POLQ: variants seen among roughly 807,000 people sequenced by gnomAD.
POLQ encodes the protein epididymis secretory sperm binding protein.
A neutral mutation model predicts 259.2 loss-of-function variants in POLQ; 233 were observed. The ratio of observed to expected loss-of-function variants is 0.90; its 90% CI spans 0.81 to 1.00. The LOEUF (loss-of-function observed/expected upper bound fraction) is 1.00, where lower values mean the gene tolerates loss of function less well. Ranked by LOEUF, POLQ falls within the 50% of genes least tolerant of loss-of-function variation. The pLI, the probability that POLQ is intolerant of heterozygous loss-of-function variation, is 0.00. For missense variants in POLQ, 2,871 were observed against 3,051.6 expected (o/e 0.94, Z 1.39); for synonymous variants, 1,025 against 1,048.8 (o/e 0.98, Z 0.44).
intron 12 of POLQ, among the ~76,000 whole-genome samples, chr3:121,500,635 A>G (rs954961988): frequency 8.5e-5 from 13 of 152,148 alleles, no homozygotes; most frequent in Non-Finnish European, 1.6e-4. Context: ...AGAAGATAGA[A>G]AGGAAAAGGA....
chr3:121,544,841 G>A lies in POLQ; in HGVS notation c.229C>T (p.Pro77Ser), dbSNP rs1391538395. ...DKLLLANWGL[P>S]KAVLEKYHSF... ...TGGTATTTTTCCAGAACTGCTTTAG[G>A]AAGTCCCCAGTTTGCCAATAGTAGC... is the stretch of plus-strand genomic sequence containing the variant. Residue 77 changes from proline to serine, a missense_variant, in exon 2 of 30, where the codon CCT (proline) becomes TCT (serine). By Grantham distance (74) the Pro-to-Ser change is moderately conservative. Around this residue, in one of 3 missense-constraint regions of POLQ, gnomAD observed 783 missense variants for 906.2 expected, o/e 0.86. Coordinates refer to ENST00000264233, the MANE Select transcript of POLQ (RefSeq NM_199420.4). The A allele has an allele frequency of 4.3e-6, 7 of 1,611,562 alleles. No individual in the cohort carries two copies. The highest frequency in any genetic ancestry group is 5.9e-6 in the Non-Finnish European group (7 of 1,177,806).
intron 28 of POLQ, among the ~76,000 whole-genome samples, chr3:121,435,285 A>G (rs1329427579): frequency 3.9e-5 from 6 of 152,240 alleles, no homozygotes; most frequent in Non-Finnish European, 8.8e-5. Context: ...TTGTTAGTAC[A>G]AGAAATAATT....
chr3:121,438,267 C>A (rs1028848001), intron 27 of POLQ, among the ~76,000 whole-genome samples: 1 of 152,190 alleles, frequency 6.6e-6, no homozygotes, highest in African/African-American at 2.4e-5. Context: ...AACTTTAACA[C>A]TGAAGTATTT....
intron 2 of POLQ, among the ~76,000 whole-genome samples, chr3:121,542,919 A>T (rs141296032): frequency 0.014 from 2,118 of 152,102 alleles, 50 homozygotes; most frequent in African/African-American, 0.049. Context: ...CCCGGGAGGC[A>T]GAGGTTGCAG....
chr3:121,486,782 G>C (rs1044778638), intron 16 of POLQ, among the ~76,000 whole-genome samples: 3 of 151,822 alleles, frequency 2.0e-5, no homozygotes, highest in Non-Finnish European at 4.4e-5. Context: ...AGAATTGCTT[G>C]AACTCAGAAG....
At chr3:121,448,331 C>T (rs2047646901) in intron 26 of POLQ, among the ~76,000 whole-genome samples, 1 of 151,796 alleles carries the variant, frequency 6.6e-6, no homozygotes, top group South Asian at 2.1e-4. Flanking sequence ...TTGCATTTTC[C>T]TACTTCAGAA....
At chr3:121,444,740 A>C (rs921495956) in intron 26 of POLQ, among the ~76,000 whole-genome samples, 1 of 152,158 alleles carries the variant, frequency 6.6e-6, no homozygotes, top group Non-Finnish European at 1.5e-5. Context: ...CTGTGGGTCT[A>C]TCATACCCAC....
At position 121,537,180 on chromosome 3, in the gene POLQ, C is replaced by G. The variant is rs753313654; in HGVS notation, c.660G>C (p.Met220Ile). The G allele has an allele frequency of 6.2e-7, 1 of 1,601,390 alleles. No individual in the cohort carries two copies. Among genetic ancestry groups the G allele is most frequent in the Non-Finnish European group, 8.6e-7 (1 of 1,168,988 alleles). ...GATACCCTCGGTGAGAGTCTCCCAGCATATGTAATTCATCCACAACCACCA... is the reference window on the plus strand; with the variant it reads ...GATACCCTCGGTGAGAGTCTCCCAGGATATGTAATTCATCCACAACCACCA... ...LGMVVVDELH[M>I]LGDSHRGYLL... Residue 220 changes from methionine to isoleucine, a missense_variant, in exon 5 of 30, where the codon ATG becomes ATC. Coordinates refer to ENST00000264233, the MANE Select transcript of POLQ (RefSeq NM_199420.4).
chr3:121,522,269 T>C (rs1019004765), intron 7 of POLQ, 120 bp from the exon 8 acceptor site: 1 of 250,546 alleles, frequency 4.0e-6, no homozygotes, highest in Non-Finnish European at 7.9e-6. Context: ...GCATACTATA[T>C]AATCCCCTGG....
intron 12 of POLQ, among the ~76,000 whole-genome samples, chr3:121,500,825 G>T (rs1448196153): frequency 6.6e-6 from 1 of 152,076 alleles, no homozygotes; most frequent in African/African-American, 2.4e-5. Context: ...GCAAGAAAAA[G>T]TCATCCTATG....
At chr3:121,448,050 A>G (rs111624492) in intron 26 of POLQ, among the ~76,000 whole-genome samples, 2 of 152,050 alleles carry the variant, frequency 1.3e-5, no homozygotes, top group Non-Finnish European at 2.9e-5. Flanking sequence ...TTGAATATTG[A>G]TATCTTTCCC....
chr3:121,471,865 A>C, intron 22 of POLQ, 125 bp downstream of exon 22: 1 of 453,018 alleles, frequency 2.2e-6, no homozygotes, highest in Non-Finnish European at 3.9e-6. Context: ...TGTATTTTAT[A>C]GTTGTAAAAC....
chr3:121,495,352 A>G (rs1324566003), intron 14 of POLQ, among the ~76,000 whole-genome samples: 1 of 152,180 alleles, frequency 6.6e-6, no homozygotes. Context: ...AGAGAACTAG[A>G]AAGAGTGAAG....
chr3:121,468,367 T>C lies in POLQ; in HGVS notation c.6783A>G (p.Pro2261=), dbSNP rs372122672. The C allele has an allele frequency of 1.2e-6, 2 of 1,611,704 alleles. No individual in the cohort carries two copies. Among genetic ancestry groups the C allele is most frequent in the Non-Finnish European group, 1.7e-6 (2 of 1,177,956 alleles). Residue 2261 remains proline (P), a synonymous_variant, in exon 23 of 30, where the codon CCA becomes CCG. Coordinates refer to ENST00000264233, the MANE Select transcript of POLQ (RefSeq NM_199420.4). Reference sequence around the variant, plus strand: ...AAGGTGGGCTTTCTCCTACTAGTGTTGGCATTTTGATTTCAAAATCTCTTG... The same window carrying C: ...AAGGTGGGCTTTCTCCTACTAGTGTCGGCATTTTGATTTCAAAATCTCTTG... ...NVPRDFEIKM[P]TLVGESPPSQ...
intron 28 of POLQ, among the ~76,000 whole-genome samples, chr3:121,435,810 C>A (rs2047538808): frequency 6.6e-6 from 1 of 152,136 alleles, no homozygotes; most frequent in South Asian, 2.1e-4. Context: ...CAAGAATTTT[C>A]TTTAGTTCTT....
intron 24 of POLQ, among the ~76,000 whole-genome samples, chr3:121,465,561 A>G (rs535510533): frequency 6.6e-6 from 1 of 152,242 alleles, no homozygotes; most frequent in East Asian, 1.9e-4. Context: ...GGCAACTCTG[A>G]GTGGAGCAAG....
chr3:121,504,879 T>G (rs2048197430), intron 12 of POLQ, among the ~76,000 whole-genome samples: 3 of 152,058 alleles, frequency 2.0e-5, no homozygotes. Flanking sequence ...GAGTTAAGAC[T>G]CCGGGGGACT....
At chr3:121,543,394 A>G (rs541501920) in intron 2 of POLQ, among the ~76,000 whole-genome samples, 9 of 152,368 alleles carry the variant, frequency 5.9e-5, no homozygotes, top group South Asian at 4.1e-4. Context: ...TCTAAGTACT[A>G]CCGAGGCACA....
intron 19 of POLQ, among the ~76,000 whole-genome samples, chr3:121,477,268 G>A (rs749038919): frequency 2.0e-5 from 3 of 152,134 alleles, no homozygotes; most frequent in Non-Finnish European, 2.9e-5. Flanking sequence ...ACCACAGACT[G>A]CCTACATGAG....
Sources: allele counts gnomAD v4.1 joint callset (sites outside exome capture counted in the v4.1 genomes callset), GRCh38; gene constraint gnomAD v4.1.1; regional missense constraint gnomAD v4.1.1; transcripts MANE v1.5; gene names NCBI Gene and HGNC (gene_info 2026-07-23, HGNC 2026-07-21).